MACROD2: variants seen among roughly 807,000 people sequenced by gnomAD.
MACROD2 encodes the protein mono-ADP ribosylhydrolase 2.
Under a neutral mutation model 70.4 loss-of-function variants are expected in MACROD2, and 36 were observed. That is an observed-to-expected ratio of 0.51 (90% confidence interval 0.39 to 0.68). MACROD2 has a LOEUF of 0.68. Among genes scored for constraint, MACROD2 ranks in the 30% least tolerant of loss-of-function variants. The pLI is 0.00. For synonymous variants in MACROD2, 172 were observed against 178.8 expected, an observed-to-expected ratio of 0.96 and a Z score of 0.30; for missense variants, 496 against 538.4, an observed-to-expected ratio of 0.92 and a Z score of 0.78.
intron 7 of MACROD2, among the ~76,000 whole-genome samples, chr20:15,464,657 A>C (rs2046861686): frequency 6.6e-6 from 1 of 152,196 alleles, no homozygotes; most frequent in Non-Finnish European, 1.5e-5. Flanking sequence ...AAGATAATTA[A>C]ACATAATCAC....
intron 8 of MACROD2, among the ~76,000 whole-genome samples, chr20:15,670,452 A>G (rs1461612905): frequency 6.6e-6 from 1 of 152,220 alleles, no homozygotes; most frequent in South Asian, 2.1e-4. Context: ...GCCTTTAGGA[A>G]TTAAAGTCAT....
chr20:14,545,381 G>C (rs548387718), intron 4 of MACROD2, among the ~76,000 whole-genome samples: 10 of 152,168 alleles, frequency 6.6e-5, no homozygotes, highest in African/African-American at 2.4e-4. Flanking sequence ...TAGCAGCCTT[G>C]GTCTCAGGTG....
At chr20:14,680,845 A>G (rs1419471196) in intron 4 of MACROD2, among the ~76,000 whole-genome samples, 4 of 152,184 alleles carry the variant, frequency 2.6e-5, no homozygotes, top group African/African-American at 9.7e-5. Context: ...GAGTCATAGG[A>G]AAACAGTAAG....
At position 14,850,001 on chromosome 20, in the gene MACROD2, T is replaced by C. The variant is rs373061693; in HGVS notation, c.418+165042T>C. ...CTCCACCGAAAAATCTACCAAAGAT[T>C]AAGTATGTTTCTCTATTGTATTCCT... On this transcript the variant is annotated intron_variant, in intron 5 of 17. Transcript: ENST00000684519. 5.7e-4 allele frequency: 293 copies of C among 517,822 alleles called. 3 individuals carry two copies. Among genetic ancestry groups the C allele is most frequent in the Non-Finnish European group, 8.9e-4 (230 of 259,422 alleles). The allele number at this position is 517,822 out of a possible 1,614,324, so 32.1% of individuals were successfully genotyped here. A position where few individuals can be genotyped will look rare whatever the true frequency, so the allele number is the denominator to read the frequency against.
chr20:15,718,128 C>T (rs1188299897), intron 8 of MACROD2, among the ~76,000 whole-genome samples: 2 of 151,424 alleles, frequency 1.3e-5, no homozygotes, highest in African/African-American at 4.9e-5. Context: ...GCCTCAGCCT[C>T]CCGAGCAGCT....
chr20:14,239,605 A>T (rs2122230834), intron 3 of MACROD2, among the ~76,000 whole-genome samples: 1 of 152,318 alleles, frequency 6.6e-6, no homozygotes, highest in Non-Finnish European at 1.5e-5. Flanking sequence ...GACAAAAACA[A>T]CCAATGGAGA....
Position 15,546,806 on chromosome 20 carries a change from G to A in MACROD2, c.645+46959G>A, listed in dbSNP as rs552125537. On this transcript the variant is annotated intron_variant, in intron 8 of 17. Coordinates refer to ENST00000684519, the MANE Select transcript of MACROD2 (RefSeq NM_001351661.2). The stretch of plus-strand genomic sequence containing the variant: ...TAATGTCACTATTTTACCACGTGAC[G>A]CTTGACATCTGATTCATATATCACT... Among the ~76,000 whole-genome samples, 10 of 152,208 alleles carry A rather than the reference G, an allele frequency of 6.6e-5. No homozygotes were observed. The South Asian group carries it at 2.1e-3, about 32-fold the overall frequency.
intron 10 of MACROD2, among the ~76,000 whole-genome samples, chr20:15,894,856 C>G (rs890085158): frequency 3.3e-5 from 5 of 152,156 alleles, no homozygotes; most frequent in Non-Finnish European, 7.4e-5. Context: ...ATAATTCACC[C>G]AAGATGTTAA....
intron 5 of MACROD2, among the ~76,000 whole-genome samples, chr20:15,208,161 C>G (rs943751881): frequency 2.0e-5 from 3 of 152,032 alleles, no homozygotes; most frequent in African/African-American, 4.8e-5. Context: ...ATTGTCCTGT[C>G]TTCAAGTTCA....
At chr20:16,008,768 A>G (rs2066822976) in intron 15 of MACROD2, among the ~76,000 whole-genome samples, 1 of 152,222 alleles carries the variant, frequency 6.6e-6, no homozygotes, top group South Asian at 2.1e-4. Flanking sequence ...CTCCAAACCA[A>G]GGGAAAACCT....
At chr20:15,885,527 T>C (rs1422128195) in intron 9 of MACROD2, among the ~76,000 whole-genome samples, 1 of 152,138 alleles carries the variant, frequency 6.6e-6, no homozygotes, top group Non-Finnish European at 1.5e-5. Flanking sequence ...CAGTTATAAA[T>C]ATAACAATTT....
At chr20:15,266,683 A>G (rs1373974683) in intron 6 of MACROD2, among the ~76,000 whole-genome samples, 1 of 152,348 alleles carries the variant, frequency 6.6e-6, no homozygotes, top group South Asian at 2.1e-4. Context: ...ACTTCAGTGA[A>G]TCCCCATCAC....
At chr20:14,498,426 A>G (rs2084880300) in intron 4 of MACROD2, among the ~76,000 whole-genome samples, 1 of 152,238 alleles carries the variant, frequency 6.6e-6, no homozygotes, top group Admixed American at 6.5e-5. Flanking sequence ...TCATTCAGCA[A>G]ATATTAATTG....
At chr20:14,237,826 A>G (rs1171077729) in intron 3 of MACROD2, among the ~76,000 whole-genome samples, 1 of 151,910 alleles carries the variant, frequency 6.6e-6, no homozygotes, top group Non-Finnish European at 1.5e-5. Context: ...TAATTTGCTG[A>G]GAATGATGGT....
chr20:14,398,031 A>C (rs188761472), intron 3 of MACROD2, among the ~76,000 whole-genome samples: 1 of 152,212 alleles, frequency 6.6e-6, no homozygotes, highest in Non-Finnish European at 1.5e-5. Context: ...AATGGCCTTC[A>C]GGTTCATCCA....
chr20:14,943,445 T>A (rs1447014051), intron 5 of MACROD2, among the ~76,000 whole-genome samples: 2 of 152,200 alleles, frequency 1.3e-5, no homozygotes, highest in Non-Finnish European at 2.9e-5. Flanking sequence ...TTTAAAATTT[T>A]GTTTACATGC....
At chr20:15,839,039 A>G (rs528397233) in intron 8 of MACROD2, among the ~76,000 whole-genome samples, 5 of 152,130 alleles carry the variant, frequency 3.3e-5, no homozygotes, top group South Asian at 2.1e-4. Flanking sequence ...TGCCCAAATT[A>G]TTTCCTGTTA....
chr20:14,160,080 A>G (rs533147946), intron 3 of MACROD2, among the ~76,000 whole-genome samples: 6 of 152,270 alleles, frequency 3.9e-5, no homozygotes, highest in Middle Eastern at 3.4e-3. Context: ...GCCCACTTGA[A>G]CATGTATATT....
intron 6 of MACROD2, among the ~76,000 whole-genome samples, chr20:15,404,814 A>G (rs796252948): frequency 1.3e-5 from 2 of 152,316 alleles, no homozygotes; most frequent in African/African-American, 4.8e-5. Flanking sequence ...GTGGGATATC[A>G]TATCGTTCCA....
Sources: allele counts gnomAD v4.1 joint callset (sites outside exome capture counted in the v4.1 genomes callset), GRCh38; gene constraint gnomAD v4.1.1; transcripts MANE v1.5; gene names NCBI Gene and HGNC (gene_info 2026-07-23, HGNC 2026-07-21).